Variants in TCAF1 observed in about 807,000 individuals in gnomAD.
The protein encoded by TCAF1 is TRPM8 channel associated factor 1.
A neutral mutation model predicts 27.3 loss-of-function variants in TCAF1; 4 were observed. That is an observed-to-expected ratio of 0.15 (90% CI 0.07 to 0.34). The LOEUF (loss-of-function observed/expected upper bound fraction) is 0.34. Ranked by LOEUF, TCAF1 falls within the 10% of genes least tolerant of loss-of-function variation. TCAF1 has a pLI of 1.00. For missense variants in TCAF1, 257 were observed against 425.8 expected (o/e 0.60, Z 3.49); for synonymous variants, 105 against 167.1 (o/e 0.63, Z 2.87).
chr7:143,882,763 C>T, intron 1 of TCAF1: 1 of 985,862 alleles, frequency 1.0e-6, no homozygotes, highest in Non-Finnish European at 1.2e-6. Flanking sequence ...TCCACGGGGG[C>T]AGGTGGGAGC....
intron 1 of TCAF1, among the ~76,000 whole-genome samples, chr7:143,900,509 G>T (rs1425161245): frequency 6.6e-6 from 1 of 152,080 alleles, no homozygotes; most frequent in African/African-American, 2.4e-5. Flanking sequence ...GTAAGCCTGG[G>T]AGAGGTCCTC....
At chr7:143,860,038 A>T (rs1452920351) in intron 6 of TCAF1, among the ~76,000 whole-genome samples, 170 bp downstream of exon 6, 4 of 68,094 alleles carry the variant, frequency 5.9e-5, no homozygotes, top group Admixed American at 2.4e-4. Context: ...TATATATATA[A>T]TATATAATAT....
intron 2 of TCAF1, among the ~76,000 whole-genome samples, chr7:143,875,329 G>A (rs1332555940): frequency 6.6e-6 from 1 of 152,138 alleles, no homozygotes; most frequent in Non-Finnish European, 1.5e-5. Flanking sequence ...CTACTGACCT[G>A]CTATCTGTTA....
chr7:143,890,408 AG>A (rs1198835583), intron 1 of TCAF1, among the ~76,000 whole-genome samples: 1 of 152,224 alleles, frequency 6.6e-6, no homozygotes, highest in Non-Finnish European at 1.5e-5. Context: ...TTGAACTTGA[AG>A]GGGCTTATGT....
chr7:143,892,588 T>C (rs1308666716), intron 1 of TCAF1, among the ~76,000 whole-genome samples: 1 of 150,462 alleles, frequency 6.6e-6, no homozygotes, highest in East Asian at 2.0e-4. Flanking sequence ...ATTGCAGTGG[T>C]GCGATCTTGG....
rs1811288891 is a variant in TCAF1 at position 143,851,612 on chromosome 7, C to A, written c.*2521G>T. 1 of 152,258 alleles carries A rather than the reference C, an allele frequency of 6.6e-6. No homozygotes were observed. Among genetic ancestry groups the A allele is most frequent in the Admixed American group, 6.5e-5 (1 of 15,290 alleles). 9.4% of individuals were successfully genotyped at this position (152,258 alleles called of 1,614,324 possible). ...ATAATTTCTTGACTTACTGACTTTA[C>A]AACATCTTTAATAATTCCCCATTAC... On this transcript the variant is annotated 3_prime_UTR_variant, in exon 9 of 9. Coordinates refer to ENST00000479870, the MANE Select transcript of TCAF1 (RefSeq NM_014719.3).
intron 1 of TCAF1, among the ~76,000 whole-genome samples, chr7:143,888,500 A>G (rs974751260): frequency 1.3e-5 from 2 of 152,236 alleles, no homozygotes; most frequent in African/African-American, 4.8e-5. Flanking sequence ...GAAGAAATCA[A>G]TGCAATTTGC....
At chr7:143,896,886 TA>T (rs1813891495) in intron 1 of TCAF1, among the ~76,000 whole-genome samples, 1 of 150,606 alleles carries the variant, frequency 6.6e-6, no homozygotes, top group Non-Finnish European at 1.5e-5. Context: ...GCTTAGAAAA[TA>T]AATCACAGAA....
chr7:143,897,897 G>GTATACCAGTACAGAAAATACCAGTACA (rs1813960210), intron 1 of TCAF1, among the ~76,000 whole-genome samples: 4 of 151,894 alleles, frequency 2.6e-5, no homozygotes, highest in African/African-American at 7.3e-5. Flanking sequence ...CATCAGAAAA[G>GTATACCAGTACAGAAAATACCAGTACA]GATAGTACAG....
intron 1 of TCAF1, among the ~76,000 whole-genome samples, chr7:143,878,715 T>C (rs1199141225): frequency 3.3e-5 from 5 of 152,202 alleles, no homozygotes; most frequent in Admixed American, 2.6e-4. Context: ...CTGCTCCTCC[T>C]GATGCCCACA....
chr7:143,884,489 G>A (rs1034270940), intron 1 of TCAF1, among the ~76,000 whole-genome samples: 3 of 152,124 alleles, frequency 2.0e-5, no homozygotes, highest in African/African-American at 7.2e-5. Context: ...TAAATGAAGC[G>A]GGCTAGTGAC....
intron 1 of TCAF1, among the ~76,000 whole-genome samples, chr7:143,877,501 C>T (rs1332835537): frequency 3.3e-5 from 5 of 152,154 alleles, no homozygotes; most frequent in Admixed American, 3.3e-4. Context: ...TCTCACATAA[C>T]CAGGAGCAGA....
intron 1 of TCAF1, among the ~76,000 whole-genome samples, chr7:143,889,235 T>C (rs1470468825): frequency 6.6e-6 from 1 of 152,042 alleles, no homozygotes; most frequent in Non-Finnish European, 1.5e-5. Context: ...AATAGAAAGA[T>C]TGTGGGAGAG....
At chr7:143,889,987 C>T (rs1813570402) in intron 1 of TCAF1, among the ~76,000 whole-genome samples, 1 of 151,954 alleles carries the variant, frequency 6.6e-6, no homozygotes, top group Non-Finnish European at 1.5e-5. Context: ...GTGAAGGGCA[C>T]CCATTTTTCT....
intron 1 of TCAF1, among the ~76,000 whole-genome samples, chr7:143,886,838 C>T (rs369773052): frequency 3.4e-5 from 5 of 148,106 alleles, no homozygotes; most frequent in African/African-American, 7.5e-5. Context: ...TACAGATGTG[C>T]GCGCCATCAT....
At chr7:143,889,911 T>C (rs916964750) in intron 1 of TCAF1, among the ~76,000 whole-genome samples, 1 of 152,340 alleles carries the variant, frequency 6.6e-6, no homozygotes, top group Admixed American at 6.5e-5. Context: ...TGGGGAATCA[T>C]TAGGCATCCA....
chr7:143,876,676 A>G, intron 1 of TCAF1, 54 bp from the exon 2 acceptor site: 3 of 1,385,254 alleles, frequency 2.2e-6, no homozygotes, highest in Non-Finnish European at 1.9e-6. Flanking sequence ...AAACAAAGAA[A>G]CAAATAGAGC....
intron 1 of TCAF1, among the ~76,000 whole-genome samples, chr7:143,878,923 A>C (rs1812865056): frequency 6.6e-6 from 1 of 152,022 alleles, no homozygotes; most frequent in Non-Finnish European, 1.5e-5. Context: ...ACCTCTTCCC[A>C]CCTTTACTTT....
intron 1 of TCAF1, chr7:143,885,100 C>A (rs1813325667): frequency 1.0e-6 from 1 of 985,360 alleles, no homozygotes; most frequent in Non-Finnish European, 1.2e-6. Context: ...CGACCCAGTG[C>A]CTCCTTCTCC....
Sources: gnomAD v4.1 joint callset for allele counts (sites outside exome capture counted in the v4.1 genomes callset) on GRCh38, gnomAD v4.1.1 for gene constraint, MANE v1.5 for transcripts, NCBI Gene and HGNC (gene_info 2026-07-23, HGNC 2026-07-21) for gene names.